The following SOS1 variants were observed in gnomAD, a reference collection of about 807,000 sequenced individuals.
The protein encoded by SOS1 is son of sevenless homolog 1.
In SOS1, 25 loss-of-function variants were observed where a neutral mutation model predicts 157.6. The observed-to-expected ratio is 0.16, with a 90% CI of 0.12 to 0.22. The LOEUF is 0.22. Ranked by LOEUF, SOS1 falls within the 10% of genes least tolerant of loss-of-function variation. The probability of loss-of-function intolerance (pLI) is 1.00; values close to 1 mark genes in which losing one functional copy is unlikely to be tolerated. For missense variants in SOS1, 1,237 were observed against 1,599.1 expected (o/e 0.77, Z 3.86); for synonymous variants, 528 against 534.0 (o/e 0.99, Z 0.16).
chr2:39,086,026 C>A (rs1339015015), intron 1 of SOS1, among the ~76,000 whole-genome samples: 1 of 152,162 alleles, frequency 6.6e-6, no homozygotes, highest in African/African-American at 2.4e-5. Context: ...CAGAGTGTAA[C>A]CCTGCACGAA....
intron 20 of SOS1, among the ~76,000 whole-genome samples, chr2:38,994,717 G>A (rs1668838201): frequency 6.6e-6 from 1 of 152,176 alleles, no homozygotes; most frequent in Non-Finnish European, 1.5e-5. Context: ...TTTGGATTTT[G>A]GGTTTTTGGA....
At chr2:39,087,162 G>A (rs1672410458) in intron 1 of SOS1, among the ~76,000 whole-genome samples, 1 of 152,114 alleles carries the variant, frequency 6.6e-6, no homozygotes. Context: ...GGGTATAGAG[G>A]CCGCTTCAAT....
intron 1 of SOS1, among the ~76,000 whole-genome samples, chr2:39,097,460 G>A (rs1272286752): frequency 6.6e-6 from 1 of 152,168 alleles, no homozygotes; most frequent in Admixed American, 6.5e-5. Context: ...CTCTGGGAAT[G>A]CAGGCTAGCA....
chr2:39,009,664 G>A (rs1418620160), intron 15 of SOS1, among the ~76,000 whole-genome samples: 3 of 152,106 alleles, frequency 2.0e-5, no homozygotes, highest in Non-Finnish European at 4.4e-5. Flanking sequence ...ATGACAAATG[G>A]TAAAGTAATA....
At chr2:39,082,266 A>C (rs1255225700) in intron 1 of SOS1, among the ~76,000 whole-genome samples, 1 of 152,206 alleles carries the variant, frequency 6.6e-6, no homozygotes, top group East Asian at 1.9e-4. Flanking sequence ...TTTAATTCAT[A>C]AGAGTTTTTT....
intron 3 of SOS1, among the ~76,000 whole-genome samples, chr2:39,057,983 A>G (rs1203710417): frequency 6.6e-6 from 1 of 152,094 alleles, no homozygotes; most frequent in East Asian, 1.9e-4. Context: ...GTGGATAATA[A>G]TAACTTTGTT....
At chr2:38,996,825 C>G (rs556421479) in intron 19 of SOS1, 97 bp downstream of exon 19, 2 of 750,100 alleles carry the variant, frequency 2.7e-6, no homozygotes, top group South Asian at 1.5e-5. Context: ...TTACTTTTAA[C>G]TATCACATGT....
At position 39,067,835 on chromosome 2, in the gene SOS1, G is replaced by C. The variant is rs139881880; in HGVS notation, c.88-82C>G. 3.8e-6 allele frequency: 5 copies of C among 1,308,760 alleles called. No individual in the cohort carries two copies. In the Admixed American group the frequency reaches 6.8e-5, roughly 18 times the overall value. The allele number at this position is 1,308,760 out of a possible 1,614,324, so 81.1% of individuals were successfully genotyped here. On this transcript the variant is annotated intron_variant, in intron 1 of 22. Transcript: ENST00000402219. The stretch of plus-strand genomic sequence containing the variant: ...TTAAAACTTTAAAAAATGTGGGTTT[G>C]TGGCCGGGCACGGTGGCTCATGCCT...
intron 6 of SOS1, among the ~76,000 whole-genome samples, chr2:39,045,308 T>G (rs2124584620): frequency 1.6e-5 from 1 of 61,474 alleles, no homozygotes; most frequent in Non-Finnish European, 3.7e-5. Flanking sequence ...GTGTGTAAAA[T>G]CAAATGTGTT....
intron 6 of SOS1, among the ~76,000 whole-genome samples, chr2:39,046,546 C>A (rs1287801116): frequency 7.0e-6 from 1 of 143,162 alleles, no homozygotes. Context: ...GCTCTGTCGC[C>A]CAGGCTGGAG....
chr2:39,048,733 A>C (rs1041929080), intron 6 of SOS1, among the ~76,000 whole-genome samples: 10 of 151,812 alleles, frequency 6.6e-5, no homozygotes, highest in Non-Finnish European at 1.5e-4. Context: ...GATGTTCTAT[A>C]GTTTCACTGC....
At chr2:39,107,602 T>C (rs1347424228) in intron 1 of SOS1, among the ~76,000 whole-genome samples, 1 of 151,450 alleles carries the variant, frequency 6.6e-6, no homozygotes, top group African/African-American at 2.4e-5. Context: ...TGGCATCTGC[T>C]TCTAAGAGGT....
At chr2:38,988,860 A>G (rs1668630532) in intron 21 of SOS1, among the ~76,000 whole-genome samples, 1 of 151,964 alleles carries the variant, frequency 6.6e-6, no homozygotes, top group Non-Finnish European at 1.5e-5. Flanking sequence ...TCTATAATCT[A>G]TCCTGCCATC....
intron 10 of SOS1, among the ~76,000 whole-genome samples, chr2:39,017,287 A>G (rs192456401): frequency 1.4e-4 from 21 of 152,168 alleles, no homozygotes; most frequent in African/African-American, 4.8e-4. Context: ...ATCTAAATAT[A>G]AAGAATTAAA....
intron 1 of SOS1, among the ~76,000 whole-genome samples, chr2:39,103,415 C>G (rs1460290633): frequency 6.6e-6 from 1 of 152,062 alleles, no homozygotes; most frequent in Non-Finnish European, 1.5e-5. Flanking sequence ...TACAATGCTA[C>G]AGTAATCAAA....
rs765727189 is a variant in SOS1, at chr2:38,995,148, G to C, written c.3321C>G (p.Ser1107=). Residue 1107 remains serine, a synonymous_variant, in exon 20 of 23, where the codon TCC becomes TCG. Transcript: ENST00000402219. Reference sequence around the variant, plus strand: ...TTGAGTGAAAAGGGCTCGAATGATCGGAATCAAATACACTGCAAACATCTG... The same window carrying C: ...TTGAGTGAAAAGGGCTCGAATGATCCGAATCAAATACACTGCAAACATCTG... ...STTDVCSVFD[S]DHSSPFHSSN... 3 of 1,613,882 alleles carry C rather than the reference G, an allele frequency of 1.9e-6. No individual in the cohort carries two copies. In the South Asian group the frequency reaches 3.3e-5, roughly 18 times the overall value.
At chr2:39,091,557 C>T (rs1181342610) in intron 1 of SOS1, among the ~76,000 whole-genome samples, 2 of 150,786 alleles carry the variant, frequency 1.3e-5, no homozygotes, top group East Asian at 1.9e-4. Context: ...TTAAACATAA[C>T]GGGATCACTC....
At chr2:39,087,854 A>AT (rs1007674809) in intron 1 of SOS1, among the ~76,000 whole-genome samples, 12 of 151,696 alleles carry the variant, frequency 7.9e-5, no homozygotes, top group Non-Finnish European at 1.0e-4. Context: ...AATTTTTAAA[A>AT]TTTTTTTAGA....
At chr2:39,061,231 C>T (rs1215694369) in intron 2 of SOS1, among the ~76,000 whole-genome samples, 5 of 113,138 alleles carry the variant, frequency 4.4e-5, no homozygotes, top group African/African-American at 1.4e-4. Flanking sequence ...AAAATGCATG[C>T]GGAAAGATTC....
Sources: gnomAD v4.1 joint callset for allele counts (sites outside exome capture counted in the v4.1 genomes callset) on GRCh38, gnomAD v4.1.1 for gene constraint, MANE v1.5 for transcripts, NCBI Gene and HGNC (gene_info 2026-07-23, HGNC 2026-07-21) for gene names.